The following PTPRN2 variants were observed in gnomAD, a reference collection of about 807,000 sequenced individuals.
The protein encoded by PTPRN2 is protein tyrosine phosphatase receptor type N2, also known as receptor-type tyrosine-protein phosphatase N2.
A neutral mutation model predicts 118.8 loss-of-function variants in PTPRN2; 74 were observed. The ratio of observed to expected loss-of-function variants is 0.62; its 90% CI spans 0.52 to 0.76. The LOEUF (loss-of-function observed/expected upper bound fraction) is 0.76. Ranked by LOEUF, PTPRN2 falls within the 30% of genes least tolerant of loss-of-function variation. The pLI is 0.00. For missense variants in PTPRN2, 1,481 were observed against 1,394.4 expected (o/e 1.06, Z -0.99); for synonymous variants, 641 against 608.0 (o/e 1.05, Z -0.80).
At chr7:158,071,562 GTGCTCCTGGTGGAGGTGCTCC>G (rs1811691060) in intron 11 of PTPRN2, among the ~76,000 whole-genome samples, 280 of 25,948 alleles carry the variant, frequency 0.011, 9 homozygotes, top group African/African-American at 0.026. Flanking sequence ...GGTGGTGGAG[GTGCTCCTGGTGGAGGTGCTCC>G]TGGTGGAGGT....
At chr7:158,474,622 C>G (rs537765806) in intron 2 of PTPRN2, among the ~76,000 whole-genome samples, 5 of 152,336 alleles carry the variant, frequency 3.3e-5, no homozygotes, top group Non-Finnish European at 5.9e-5. Flanking sequence ...GTGGGCACCC[C>G]TCCTCCGAGA....
chr7:157,636,634 T>C (rs1056217476), intron 14 of PTPRN2, among the ~76,000 whole-genome samples: 1 of 152,256 alleles, frequency 6.6e-6, no homozygotes, highest in Non-Finnish European at 1.5e-5. Flanking sequence ...GAAATGGCTA[T>C]TTATCAAACA....
intron 3 of PTPRN2, among the ~76,000 whole-genome samples, chr7:158,272,061 C>G (rs1054020466): frequency 6.6e-6 from 1 of 152,158 alleles, no homozygotes; most frequent in African/African-American, 2.4e-5. Context: ...AGGTTGTTCC[C>G]TCCTCATTTA....
At chr7:158,186,684 C>G (rs60980914) in intron 5 of PTPRN2, among the ~76,000 whole-genome samples, 3,516 of 151,846 alleles carry the variant, frequency 0.023, 132 homozygotes, top group African/African-American at 0.079. Context: ...CTACCTGCCC[C>G]CTCTGTCAGA....
At chr7:157,704,533 G>A (rs766175101) in intron 12 of PTPRN2, among the ~76,000 whole-genome samples, 8 of 152,142 alleles carry the variant, frequency 5.3e-5, no homozygotes, top group Non-Finnish European at 8.8e-5. Flanking sequence ...TCCCACCCTC[G>A]GCTGGGCCCG....
At chr7:158,292,132 G>A (rs1254305789) in intron 3 of PTPRN2, among the ~76,000 whole-genome samples, 2 of 152,184 alleles carry the variant, frequency 1.3e-5, no homozygotes, top group Non-Finnish European at 2.9e-5. Flanking sequence ...GCTTCTTTCA[G>A]AAATGCCAGG....
At chr7:157,882,604 A>T (rs1796203046) in intron 12 of PTPRN2, among the ~76,000 whole-genome samples, 1 of 150,456 alleles carries the variant, frequency 6.6e-6, no homozygotes, top group South Asian at 2.1e-4. Context: ...AGACCAGAAC[A>T]CACCACCGCA....
chr7:157,801,143 C>G lies in PTPRN2; in HGVS notation c.1788+97530G>C, dbSNP rs1805270751. On this transcript the variant is annotated intron_variant, in intron 12 of 22. Transcript: ENST00000389418. This position sits in a 1 kb window ranked among gnomAD's most constrained non-coding sequence, Gnocchi z 4.2. ...CCCAATACCCAATCCACAGCTTTCTCTTTGTGGTGCTTATGTGGTGTCACA... is the reference window on the plus strand; with the variant it reads ...CCCAATACCCAATCCACAGCTTTCTGTTTGTGGTGCTTATGTGGTGTCACA... 6.6e-6 allele frequency among the ~76,000 whole-genome samples: 1 copy of G among 151,936 alleles called. No individual in the cohort carries two copies. The highest frequency in any genetic ancestry group is 1.9e-4 in the East Asian group (1 of 5,186).
At chr7:158,076,723 C>T (rs1812388900) in intron 11 of PTPRN2, among the ~76,000 whole-genome samples, 1 of 152,198 alleles carries the variant, frequency 6.6e-6, no homozygotes, top group Non-Finnish European at 1.5e-5. Context: ...AGTCCCTGTG[C>T]TCTGCCCAAA....
At chr7:157,749,505 T>A (rs1801301950) in intron 12 of PTPRN2, among the ~76,000 whole-genome samples, 1 of 147,310 alleles carries the variant, frequency 6.8e-6, no homozygotes, top group Non-Finnish European at 1.5e-5. Flanking sequence ...GAGGCCTGCG[T>A]CCCTGAGCTG....
chr7:158,436,618 T>C (rs1816589116), intron 2 of PTPRN2, among the ~76,000 whole-genome samples: 1 of 152,182 alleles, frequency 6.6e-6, no homozygotes, highest in African/African-American at 2.4e-5. Context: ...TGATGGAGTC[T>C]CTCAAGTTCT....
chr7:157,904,689 T>G (rs919085948), intron 11 of PTPRN2, among the ~76,000 whole-genome samples: 1 of 152,246 alleles, frequency 6.6e-6, no homozygotes, highest in African/African-American at 2.4e-5. Context: ...CGCGGCCCTG[T>G]GTTCCGGCCG....
At position 157,539,455 on chromosome 7, in the gene PTPRN2, G is replaced by C. The variant is rs1207663576; in HGVS notation, c.*1259C>G. ...ATCTGCAGCCCACACAGCTGCCTCTGTGCCGCCTTCCATGTGATCATCTTG... is the reference window on the plus strand; with the variant it reads ...ATCTGCAGCCCACACAGCTGCCTCTCTGCCGCCTTCCATGTGATCATCTTG... On this transcript the variant is annotated 3_prime_UTR_variant, in exon 23 of 23. Coordinates refer to ENST00000389418, the MANE Select transcript of PTPRN2 (RefSeq NM_002847.5). The C allele has an allele frequency of 1.3e-5, 2 of 152,192 alleles. No individual in the cohort carries two copies. Among genetic ancestry groups the C allele is most frequent in the Non-Finnish European group, 2.9e-5 (2 of 68,050 alleles). 9.4% of individuals were successfully genotyped at this position (152,192 alleles called of 1,614,324 possible).
rs369362454 is a variant in PTPRN2 at position 158,445,993 on chromosome 7, C to T, written c.163+43742G>A. Among the ~76,000 whole-genome samples the T allele has an allele frequency of 6.8e-4, 103 of 152,214 alleles. 2 individuals are homozygous for T. In the South Asian group the frequency reaches 0.02, roughly 30 times the overall value. ...CTCAGCATGAGCAGGTAAACCCGGG[C>T]GCCCAGGTGAGCCTTCGGACCACCC... On this transcript the variant is annotated intron_variant, in intron 2 of 22. Transcript: ENST00000389418.
intron 2 of PTPRN2, among the ~76,000 whole-genome samples, chr7:158,342,685 A>C (rs1030328026): frequency 2.0e-5 from 3 of 152,218 alleles, no homozygotes; most frequent in Non-Finnish European, 4.4e-5. Flanking sequence ...ATAAACTGTC[A>C]TGGTCCCCAT....
At chr7:157,691,785 C>T (rs919661103) in intron 12 of PTPRN2, among the ~76,000 whole-genome samples, 2 of 152,170 alleles carry the variant, frequency 1.3e-5, no homozygotes, top group African/African-American at 4.8e-5. Flanking sequence ...ACATAACCCC[C>T]GGCCCCTGGC....
intron 11 of PTPRN2, among the ~76,000 whole-genome samples, chr7:157,957,254 C>G (rs1203200471): frequency 6.6e-6 from 1 of 152,190 alleles, no homozygotes; most frequent in African/African-American, 2.4e-5. Flanking sequence ...TGTACCAACC[C>G]CCATCCCCTC....
chr7:158,134,141 G>C lies in PTPRN2; in HGVS notation c.1174-82C>G, dbSNP rs561510818. The stretch of plus-strand genomic sequence containing the variant: ...ATGCAATCAAGGGCTGCCCGGGACA[G>C]AGTCACTGTGGGGATGACATGGGCA... On this transcript the variant is annotated intron_variant, in intron 8 of 22. Coordinates refer to ENST00000389418, the MANE Select transcript of PTPRN2 (RefSeq NM_002847.5). The C allele has an allele frequency of 1.8e-4, 262 of 1,475,002 alleles. 1 individual carries two copies. The highest frequency in any genetic ancestry group is 3.5e-4 in the Admixed American group (18 of 51,292). The allele number at this position is 1,475,002 out of a possible 1,614,324, so 91.4% of individuals were successfully genotyped here.
At chr7:157,984,551 G>A (rs1186411148) in intron 11 of PTPRN2, among the ~76,000 whole-genome samples, 1 of 151,528 alleles carries the variant, frequency 6.6e-6, no homozygotes, top group Non-Finnish European at 1.5e-5. Flanking sequence ...GGGTGTGAAT[G>A]CCAGGGGCCC....
Sources: gnomAD v4.1 joint callset for allele counts (sites outside exome capture counted in the v4.1 genomes callset) on GRCh38, gnomAD v4.1.1 for gene constraint, Gnocchi (gnomAD v3.1) non-coding constraint, MANE v1.5 for transcripts, NCBI Gene and HGNC (gene_info 2026-07-23, HGNC 2026-07-21) for gene names.